The following CDH7 variants were observed in gnomAD, a reference collection of about 807,000 sequenced individuals.
The protein encoded by CDH7 is cadherin-7.
A neutral mutation model predicts 71.8 loss-of-function variants in CDH7; 25 were observed. That is an observed-to-expected ratio of 0.35 (90% CI 0.25 to 0.49). The LOEUF (loss-of-function observed/expected upper bound fraction) is 0.49. Among genes scored for constraint, CDH7 ranks in the 20% least tolerant of loss-of-function variants. The probability of loss-of-function intolerance (pLI) is 0.99; values close to 1 mark genes in which losing one functional copy is unlikely to be tolerated. For missense variants in CDH7, 862 were observed against 974.6 expected (o/e 0.88, Z 1.54); for synonymous variants, 381 against 363.8 (o/e 1.05, Z -0.54).
intron 2 of CDH7, among the ~76,000 whole-genome samples, chr18:65,781,838 C>CTTTCTT (rs1599000178): frequency 1.1e-5 from 1 of 92,300 alleles, no homozygotes; most frequent in East Asian, 2.9e-4. Context: ...TTCTTTCTTT[C>CTTTCTT]TTTCTTTCTT....
chr18:65,801,420 A>G (rs1911119892), intron 2 of CDH7, among the ~76,000 whole-genome samples: 1 of 152,218 alleles, frequency 6.6e-6, no homozygotes, highest in Non-Finnish European at 1.5e-5. Context: ...TGTAATTTTT[A>G]CAAAGATGCT....
chr18:65,805,923 A>G (rs989309338), intron 2 of CDH7, among the ~76,000 whole-genome samples: 3 of 148,858 alleles, frequency 2.0e-5, no homozygotes, highest in African/African-American at 7.4e-5. Flanking sequence ...TAAAAAAAAA[A>G]TGAGGTGTTT....
chr18:65,758,747 G>A (rs917928906), intron 1 of CDH7, among the ~76,000 whole-genome samples: 9 of 152,104 alleles, frequency 5.9e-5, no homozygotes, highest in African/African-American at 2.2e-4. Context: ...TATAAACATG[G>A]TTGACTTACC....
At chr18:65,795,500 A>G (rs114597493) in intron 2 of CDH7, among the ~76,000 whole-genome samples, 1,788 of 152,282 alleles carry the variant, frequency 0.012, 33 homozygotes, top group African/African-American at 0.041. Context: ...ATAGAATAAT[A>G]CATCTAAACT....
intron 6 of CDH7, among the ~76,000 whole-genome samples, chr18:65,836,427 A>G (rs1031771851): frequency 1.4e-4 from 22 of 152,098 alleles, no homozygotes; most frequent in Admixed American, 3.3e-4. Flanking sequence ...CTTTGATGAT[A>G]ATATTCCTCA....
At chr18:65,820,937 G>T (rs1911901824) in intron 4 of CDH7, among the ~76,000 whole-genome samples, 1 of 152,054 alleles carries the variant, frequency 6.6e-6, no homozygotes, top group Non-Finnish European at 1.5e-5. Context: ...AAGGAAAAAT[G>T]AGAGATGAGT....
chr18:65,785,479 G>A (rs370223096), intron 2 of CDH7, among the ~76,000 whole-genome samples: 51 of 151,992 alleles, frequency 3.4e-4, no homozygotes, highest in East Asian at 2.7e-3. Flanking sequence ...ATTCTTTAGC[G>A]TAGAGCTTTT....
intron 1 of CDH7, among the ~76,000 whole-genome samples, chr18:65,761,535 C>CAA (rs36079642): frequency 0.018 from 2,228 of 124,108 alleles, 49 homozygotes; most frequent in African/African-American, 0.053. Context: ...TCCTCTTCCT[C>CAA]AAAAAAAAAA....
At chr18:65,852,601 C>A (rs565401216) in intron 7 of CDH7, among the ~76,000 whole-genome samples, 1 of 152,216 alleles carries the variant, frequency 6.6e-6, no homozygotes, top group Admixed American at 6.5e-5. Flanking sequence ...ATCACTCATG[C>A]TTTAAGGAGT....
intron 11 of CDH7, among the ~76,000 whole-genome samples, chr18:65,879,074 A>C (rs1015154460): frequency 1.3e-5 from 2 of 152,220 alleles, no homozygotes; most frequent in African/African-American, 2.4e-5. Context: ...AGATGAATTC[A>C]TTTTATTTAA....
chr18:65,872,200 C>T (rs1913947775), intron 11 of CDH7, among the ~76,000 whole-genome samples: 1 of 152,018 alleles, frequency 6.6e-6, no homozygotes, highest in African/African-American at 2.4e-5. Context: ...AGATAGGACA[C>T]ACATGCCATG....
chr18:65,810,530 G>A (rs1911496259), intron 3 of CDH7, among the ~76,000 whole-genome samples: 1 of 152,128 alleles, frequency 6.6e-6, no homozygotes, highest in Non-Finnish European at 1.5e-5. Context: ...CCTACAAATG[G>A]CCATACACAT....
chr18:65,762,028 A>G (rs1205994923), intron 1 of CDH7, among the ~76,000 whole-genome samples: 1 of 152,222 alleles, frequency 6.6e-6, no homozygotes, highest in Non-Finnish European at 1.5e-5. Flanking sequence ...CATACATGAC[A>G]ATAAGTTCAA....
intron 11 of CDH7, among the ~76,000 whole-genome samples, chr18:65,870,047 A>T (rs1322728429): frequency 6.6e-6 from 1 of 152,216 alleles, no homozygotes; most frequent in Non-Finnish European, 1.5e-5. Context: ...TTTGCAGGTT[A>T]GTAGCCATGG....
At chr18:65,788,987 A>G (rs1037443819) in intron 2 of CDH7, among the ~76,000 whole-genome samples, 1 of 152,200 alleles carries the variant, frequency 6.6e-6, no homozygotes, top group Non-Finnish European at 1.5e-5. Context: ...ATTTTTAAGG[A>G]TATTTATTAA....
intron 2 of CDH7, among the ~76,000 whole-genome samples, chr18:65,781,802 C>CTAT (rs1910218828): frequency 1.3e-5 from 1 of 77,516 alleles, no homozygotes; most frequent in African/African-American, 8.2e-5. Flanking sequence ...TTCCTTCCTT[C>CTAT]CTTCCTTCCT....
At chr18:65,808,338 A>G (rs1338383219) in intron 2 of CDH7, among the ~76,000 whole-genome samples, 1 of 152,254 alleles carries the variant, frequency 6.6e-6, no homozygotes, top group East Asian at 1.9e-4. Flanking sequence ...TACATATATA[A>G]TAGTAACCCT....
chr18:65,856,648 G>A (rs931271775), intron 7 of CDH7, among the ~76,000 whole-genome samples: 2 of 152,138 alleles, frequency 1.3e-5, no homozygotes, highest in Non-Finnish European at 2.9e-5. Flanking sequence ...AATGGGTCAT[G>A]AGGGTAGCTG....
intron 10 of CDH7, among the ~76,000 whole-genome samples, chr18:65,860,577 T>C (rs1394349584): frequency 6.6e-6 from 1 of 152,152 alleles, no homozygotes; most frequent in East Asian, 1.9e-4. Flanking sequence ...ATTCAAGATA[T>C]TTATTTTAGT....
Sources: allele counts gnomAD v4.1 joint callset (sites outside exome capture counted in the v4.1 genomes callset), GRCh38; gene constraint gnomAD v4.1.1; transcripts MANE v1.5; gene names NCBI Gene and HGNC (gene_info 2026-07-23, HGNC 2026-07-21).